The following NREP variants were observed in gnomAD, a reference collection of about 807,000 sequenced individuals.
The protein encoded by NREP is neuronal regeneration-related protein.
In NREP, 5 loss-of-function variants were observed where a neutral mutation model predicts 8.6. The ratio of observed to expected loss-of-function variants is 0.58; its 90% confidence interval spans 0.30 to 1.22. NREP has a LOEUF of 1.22. NREP is among the 50% of genes most tolerant of loss of function. NREP has a pLI of 0.07. For synonymous variants in NREP, 27 were observed against 28.0 expected (o/e 0.96, Z 0.11); for missense variants, 86 against 82.5 (o/e 1.04, Z -0.17).
At chr5:111,789,503 C>T (rs1035035648) in intron 2 of NREP, among the ~76,000 whole-genome samples, 6 of 152,104 alleles carry the variant, frequency 3.9e-5, no homozygotes, top group African/African-American at 1.4e-4. Flanking sequence ...TGACAAATTC[C>T]TAGCTTGATT....
chr5:111,767,899 A>C (rs1323180227), intron 2 of NREP, among the ~76,000 whole-genome samples: 1 of 152,078 alleles, frequency 6.6e-6, no homozygotes, highest in African/African-American at 2.4e-5. Flanking sequence ...TCCTGGGCTC[A>C]AGTGATCCTC....
At chr5:111,901,335 A>C (rs78673119) in intron 2 of NREP, among the ~76,000 whole-genome samples, 5,465 of 152,224 alleles carry the variant, frequency 0.036, 316 homozygotes, top group African/African-American at 0.12. Context: ...TAGGCATCAA[A>C]GGAAGCTGAT....
intron 2 of NREP, among the ~76,000 whole-genome samples, chr5:111,845,579 T>C (rs1318176000): frequency 1.3e-5 from 2 of 152,206 alleles, no homozygotes; most frequent in African/African-American, 2.4e-5. Context: ...TAAATCTTTT[T>C]TGAACAGTTA....
At chr5:111,820,626 T>C (rs1349564019) in intron 2 of NREP, among the ~76,000 whole-genome samples, 1 of 152,134 alleles carries the variant, frequency 6.6e-6, no homozygotes, top group Non-Finnish European at 1.5e-5. Flanking sequence ...TGATCATAAA[T>C]ATGTTACATT....
At chr5:111,896,496 A>T (rs1035449771) in intron 2 of NREP, among the ~76,000 whole-genome samples, 1 of 152,170 alleles carries the variant, frequency 6.6e-6, no homozygotes, top group Admixed American at 6.5e-5. Flanking sequence ...CTACATACAC[A>T]TTTTATCATC....
chr5:111,958,782 A>T (rs1026650816), intron 2 of NREP, among the ~76,000 whole-genome samples: 10 of 152,030 alleles, frequency 6.6e-5, no homozygotes, highest in African/African-American at 2.4e-4. Context: ...AAAAACACAG[A>T]CAAGCTGATT....
At chr5:111,825,096 C>A (rs1008820704) in intron 2 of NREP, among the ~76,000 whole-genome samples, 1 of 152,092 alleles carries the variant, frequency 6.6e-6, no homozygotes, top group African/African-American at 2.4e-5. Context: ...ACTCTATTTT[C>A]CTTTTGCATT....
At chr5:111,786,972 C>T (rs116360127) in intron 2 of NREP, among the ~76,000 whole-genome samples, 1 of 152,158 alleles carries the variant, frequency 6.6e-6, no homozygotes, top group Non-Finnish European at 1.5e-5. Flanking sequence ...GTATGCTACC[C>T]TTCTTAAACT....
intron 2 of NREP, among the ~76,000 whole-genome samples, chr5:111,938,089 C>T (rs1019637606): frequency 6.6e-6 from 1 of 152,002 alleles, no homozygotes; most frequent in Non-Finnish European, 1.5e-5. Flanking sequence ...TGTGTCCATC[C>T]AGTCCTTCTA....
intron 2 of NREP, among the ~76,000 whole-genome samples, chr5:111,905,008 C>T (rs1333790739): frequency 6.6e-6 from 1 of 152,112 alleles, no homozygotes; most frequent in East Asian, 1.9e-4. Flanking sequence ...ATCTCTCTCT[C>T]TCTCTCCATT....
rs1581223172 is a variant in NREP at position 111,924,508 on chromosome 5, T to G, written c.135+50766A>C. ...GTCTAGCACTGTGGGCCATTTCATT[T>G]CCTCAGGTATTTGGATTAGCAAAGT... On this transcript the variant is annotated intron_variant, in intron 2 of 3. Transcript: ENST00000395634. 1.3e-5 allele frequency among the ~76,000 whole-genome samples: 2 copies of G among 152,096 alleles called. 1 individual carries two copies. The highest frequency in any genetic ancestry group is 4.1e-4 in the South Asian group (2 of 4,822).
chr5:111,956,185 G>T (rs1293617248), intron 2 of NREP, among the ~76,000 whole-genome samples: 1 of 152,052 alleles, frequency 6.6e-6, no homozygotes, highest in African/African-American at 2.4e-5. Flanking sequence ...ACACAAGGGA[G>T]CTCAGAGACA....
chr5:111,854,063 C>G (rs1355808340), intron 2 of NREP, among the ~76,000 whole-genome samples: 1 of 152,072 alleles, frequency 6.6e-6, no homozygotes, highest in Admixed American at 6.6e-5. Context: ...GCTGCACAAG[C>G]TGAAAGCAAT....
chr5:111,864,991 T>G (rs1753633054), intron 2 of NREP, among the ~76,000 whole-genome samples: 1 of 152,162 alleles, frequency 6.6e-6, no homozygotes, highest in African/African-American at 2.4e-5. Flanking sequence ...AAACTTTTTT[T>G]GTGTGAAATT....
chr5:111,887,281 T>C (rs1411795920), intron 2 of NREP, among the ~76,000 whole-genome samples: 1 of 152,184 alleles, frequency 6.6e-6, no homozygotes, highest in Admixed American at 6.5e-5. Flanking sequence ...ATAGCAACTT[T>C]CTAATGTGGC....
intron 1 of NREP, among the ~76,000 whole-genome samples, chr5:111,975,751 C>T (rs75539613): frequency 0.011 from 1,610 of 152,254 alleles, 10 homozygotes; most frequent in Non-Finnish European, 0.016. Flanking sequence ...TTTGAAATTA[C>T]AAATGCTTAA....
At chr5:111,790,221 G>T (rs539400927) in intron 2 of NREP, among the ~76,000 whole-genome samples, 1 of 151,782 alleles carries the variant, frequency 6.6e-6, no homozygotes, top group Non-Finnish European at 1.5e-5. Flanking sequence ...AAAAATAAAA[G>T]AGAAGTATAA....
At chr5:111,899,070 CACA>C (rs1362097136) in intron 2 of NREP, among the ~76,000 whole-genome samples, 1 of 152,054 alleles carries the variant, frequency 6.6e-6, no homozygotes, top group Non-Finnish European at 1.5e-5. Context: ...ACTAGACCAG[CACA>C]ACAAGAAATG....
chr5:111,839,446 A>G (rs1024614198), intron 2 of NREP, among the ~76,000 whole-genome samples: 3 of 152,124 alleles, frequency 2.0e-5, no homozygotes, highest in African/African-American at 7.2e-5. Context: ...TCAGCTATTA[A>G]ATGGATATTT....
Sources: allele counts gnomAD v4.1 joint callset (sites outside exome capture counted in the v4.1 genomes callset), GRCh38; gene constraint gnomAD v4.1.1; transcripts MANE v1.5; gene names NCBI Gene and HGNC (gene_info 2026-07-23, HGNC 2026-07-21).